Variants in TACC2 observed in about 807,000 individuals in gnomAD.
The protein encoded by TACC2 is transforming acidic coiled-coil containing protein 2, also known as transforming acidic coiled-coil-containing protein 2.
A neutral mutation model predicts 227.3 loss-of-function variants in TACC2; 137 were observed. The ratio of observed to expected loss-of-function variants is 0.60; its 90% CI spans 0.52 to 0.69. The LOEUF (loss-of-function observed/expected upper bound fraction) is 0.69. Ranked by LOEUF, TACC2 falls within the 30% of genes least tolerant of loss-of-function variation. The pLI is 0.00. For synonymous variants in TACC2, 1,523 were observed against 1,487.5 expected (o/e 1.02, Z -0.55); for missense variants, 3,470 against 3,694.4 (o/e 0.94, Z 1.57).
In TACC2 at chr10:122,253,983, A is replaced by G; in HGVS notation, c.8782-8A>G. The G allele has an allele frequency of 1.2e-6, 2 of 1,613,660 alleles. No individual in the cohort carries two copies. The highest frequency in any genetic ancestry group is 1.7e-6 in the Non-Finnish European group (2 of 1,179,586). On this transcript the variant is annotated splice_polypyrimidine_tract_variant and splice_region_variant and intron_variant, in intron 22 of 22. Transcript: ENST00000369005. ...CATCAGCAACTTCTTCCTTGTCTTC[A>G]CTTGCAGAATAAAGAAATAGAAGAA... is the stretch of plus-strand genomic sequence containing the variant.
chr10:122,139,292 C>A (rs528446698), intron 6 of TACC2, among the ~76,000 whole-genome samples: 1 of 152,236 alleles, frequency 6.6e-6, no homozygotes, highest in Non-Finnish European at 1.5e-5. Flanking sequence ...GCCCAGCGCC[C>A]GCTGGAAATC....
intron 5 of TACC2, among the ~76,000 whole-genome samples, chr10:122,130,028 C>T (rs1480105371): frequency 1.3e-5 from 2 of 152,154 alleles, no homozygotes; most frequent in Non-Finnish European, 2.9e-5. Context: ...TACGGAGTCT[C>T]CCTCTGTCAC....
intron 9 of TACC2, chr10:122,213,368 G>C: frequency 6.2e-7 from 1 of 1,612,280 alleles, no homozygotes; most frequent in African/African-American, 1.3e-5. Context: ...ATGTCTGTGT[G>C]TTCTCTGTTG....
At position 122,085,642 on chromosome 10, in the gene TACC2, C is replaced by T. The variant is rs1342415729; in HGVS notation, c.3142C>T (p.Pro1048Ser). ...GNTGEAPPCQPDSVALLDAVP... is the reference protein window; with the variant it reads ...GNTGEAPPCQSDSVALLDAVP... ...CACAGGGGAGGCCCCACCTTGTCAG[C>T]CTGACTCAGTAGCTCTCCTGGATGC... Residue 1048 changes from proline to serine, a missense_variant, in exon 4 of 23, where the codon CCT (proline) becomes TCT (serine). Physicochemically the swap from Pro to Ser is moderately conservative, Grantham distance 74. This residue lies in a region of TACC2 where 1,924 missense variants were observed against 1,978.3 expected (regional missense o/e 0.97). Transcript: ENST00000369005. 1 of 1,613,462 alleles carries T rather than the reference C, an allele frequency of 6.2e-7. No individual in the cohort carries two copies. Among genetic ancestry groups the T allele is most frequent in the Non-Finnish European group, 8.5e-7 (1 of 1,180,032 alleles).
At chr10:122,077,941 T>C (rs1276903201) in intron 3 of TACC2, among the ~76,000 whole-genome samples, 1 of 152,010 alleles carries the variant, frequency 6.6e-6, no homozygotes, top group Non-Finnish European at 1.5e-5. Context: ...ACTCCTGTAA[T>C]CCCAACACTT....
rs1378842106 is a variant in TACC2, at chr10:122,085,863, G to A, written c.3363G>A (p.Gly1121=). The A allele has an allele frequency of 2.5e-6, 4 of 1,613,116 alleles. No homozygotes were observed. The Admixed American group carries it at 6.7e-5, about 27-fold the overall frequency. Residue 1121 remains glycine (G), a synonymous_variant, in exon 4 of 23, where the codon GGG becomes GGA. Transcript: ENST00000369005. ...PKLLASFPSA[G]EQGGEAGAAE... Reference sequence around the variant, plus strand: ...TTCTTGCAAGTTTCCCATCAGCTGGGGAGCAAGGTGGTGAAGCCGGGGCTG... The same window carrying A: ...TTCTTGCAAGTTTCCCATCAGCTGGAGAGCAAGGTGGTGAAGCCGGGGCTG...
chr10:122,076,290 A>C (rs2078800080), intron 3 of TACC2, among the ~76,000 whole-genome samples: 1 of 152,194 alleles, frequency 6.6e-6, no homozygotes, highest in Non-Finnish European at 1.5e-5. Flanking sequence ...CCAGTAATCC[A>C]TGAATGGATT....
chr10:122,038,729 G>A (rs2073886758), intron 2 of TACC2, among the ~76,000 whole-genome samples: 1 of 152,176 alleles, frequency 6.6e-6, no homozygotes, highest in South Asian at 2.1e-4. Flanking sequence ...TGAAGGGAAG[G>A]TCAAGGTTAT....
chr10:122,139,997 G>C (rs929386991), intron 6 of TACC2, among the ~76,000 whole-genome samples: 1 of 152,200 alleles, frequency 6.6e-6, no homozygotes, highest in African/African-American at 2.4e-5. Context: ...CCTGACCAGG[G>C]AATCAAAGGA....
chr10:122,045,924 C>T (rs868210646), intron 2 of TACC2, among the ~76,000 whole-genome samples: 24 of 152,126 alleles, frequency 1.6e-4, no homozygotes, highest in Middle Eastern at 3.4e-3. Context: ...CCTGTAATCC[C>T]GGCACTTTGG....
intron 1 of TACC2, among the ~76,000 whole-genome samples, chr10:122,006,701 T>A (rs912702230): frequency 1.3e-5 from 2 of 152,130 alleles, no homozygotes; most frequent in Non-Finnish European, 2.9e-5. Context: ...TCAAACATTT[T>A]AAATTTTAGC....
chr10:122,134,753 G>A (rs1374481183), intron 6 of TACC2, among the ~76,000 whole-genome samples: 3 of 152,194 alleles, frequency 2.0e-5, no homozygotes, highest in Non-Finnish European at 4.4e-5. Flanking sequence ...ACTCTCACCC[G>A]ATGCTCCCAT....
At chr10:122,112,945 C>A (rs1325827695) in intron 5 of TACC2, 1 of 152,012 alleles carries the variant, frequency 6.6e-6, no homozygotes, top group African/African-American at 2.4e-5. Context: ...CCGAGCGCTG[C>A]CCCGGGTCGG....
intron 11 of TACC2, among the ~76,000 whole-genome samples, chr10:122,221,984 C>G (rs2095532370): frequency 1.3e-5 from 2 of 152,166 alleles, no homozygotes; most frequent in South Asian, 4.1e-4. Context: ...TGCAGTGCCC[C>G]CATATGAAAT....
At chr10:122,094,902 G>A (rs2081216671) in intron 5 of TACC2, among the ~76,000 whole-genome samples, 2 of 152,192 alleles carry the variant, frequency 1.3e-5, no homozygotes, top group African/African-American at 2.4e-5. Flanking sequence ...TATGGCCACC[G>A]GTAGAAGCCA....
chr10:122,132,727 G>T lies in TACC2; in HGVS notation c.5692G>T (p.Ala1898Ser), dbSNP rs775056069. ...TGGCCAGGTCTCTACGGATCTGATAGCCCAGAGGTACGGTGGGGGCCCTGG... is the reference window on the plus strand; with the variant it reads ...TGGCCAGGTCTCTACGGATCTGATATCCCAGAGGTACGGTGGGGGCCCTGG... ...VVGQVSTDLIAQSISPAAAHA... is the reference protein window; with the variant it reads ...VVGQVSTDLISQSISPAAAHA... Residue 1898 changes from alanine (A) to serine (S), a missense_variant, in exon 6 of 23, where the codon GCC becomes TCC. Physicochemically the swap from Ala to Ser is moderately conservative, Grantham distance 99. Coordinates refer to ENST00000369005, the MANE Select transcript of TACC2 (RefSeq NM_206862.4). 10 of 1,614,114 alleles carry T rather than the reference G, an allele frequency of 6.2e-6. No homozygotes were observed. Among genetic ancestry groups the T allele is most frequent in the Non-Finnish European group, 8.5e-6 (10 of 1,180,006 alleles).
In TACC2 at chr10:122,249,092, C is replaced by G. The variant is rs751771255; in HGVS notation, c.8596C>G (p.Arg2866Gly). Residue 2866 changes from arginine to glycine, a missense_variant, in exon 21 of 23, where the codon CGG (arginine) becomes GGG (glycine). Transcript: ENST00000369005. ...GAGATGTGCGCAGGAGTACCTGTCC[C>G]GGGTGAAGAAGGAGGAGCAGAGGTA... is the stretch of plus-strand genomic sequence containing the variant. ...LKRCAQEYLS[R>G]VKKEEQRYQA... is the part of the protein sequence containing the mutation. 3 of 1,613,344 alleles carry G rather than the reference C, an allele frequency of 1.9e-6. No individual in the cohort carries two copies. The highest frequency in any genetic ancestry group is 2.5e-6 in the Non-Finnish European group (3 of 1,179,928).
chr10:122,134,321 G>A (rs189978971), intron 6 of TACC2, among the ~76,000 whole-genome samples: 22 of 152,004 alleles, frequency 1.4e-4, no homozygotes, highest in Non-Finnish European at 1.9e-4. Flanking sequence ...ACAGGCGTGC[G>A]CCACCATGCC....
chr10:121,992,450 G>A (rs1254432312), intron 1 of TACC2, among the ~76,000 whole-genome samples: 2 of 152,184 alleles, frequency 1.3e-5, no homozygotes. Context: ...AATTACACAA[G>A]AACTTCAAGA....
Sources: allele counts gnomAD v4.1 joint callset (sites outside exome capture counted in the v4.1 genomes callset), GRCh38; gene constraint gnomAD v4.1.1; regional missense constraint gnomAD v4.1.1; transcripts MANE v1.5; gene names NCBI Gene and HGNC (gene_info 2026-07-23, HGNC 2026-07-21).